Variants in TRAPPC9 observed in about 807,000 individuals in gnomAD.
The protein encoded by TRAPPC9 is IKK2 binding protein.
Under a neutral mutation model 124.0 loss-of-function variants are expected in TRAPPC9, and 83 were observed. That is an observed-to-expected ratio of 0.67 (90% CI 0.56 to 0.80). The LOEUF (loss-of-function observed/expected upper bound fraction) is 0.80, where lower values mean the gene tolerates loss of function less well. Among genes scored for constraint, TRAPPC9 ranks in the 30% least tolerant of loss-of-function variants. The pLI is 0.00. For synonymous variants in TRAPPC9, 638 were observed against 617.5 expected (o/e 1.03, Z -0.49); for missense variants, 1,302 against 1,508.3 (o/e 0.86, Z 2.27).
At chr8:139,863,898 G>T in intron 21 of TRAPPC9, among the ~76,000 whole-genome samples, 1 of 152,240 alleles carries the variant, frequency 6.6e-6, no homozygotes, top group Non-Finnish European at 1.5e-5. Flanking sequence ...ACAGAGTGCA[G>T]GTCTGAGGCT....
chr8:140,032,649 A>G (rs998646580), intron 17 of TRAPPC9, among the ~76,000 whole-genome samples: 1 of 152,244 alleles, frequency 6.6e-6, no homozygotes, highest in African/African-American at 2.4e-5. Flanking sequence ...AATTGGATTC[A>G]TAGTTGTTTT....
intron 17 of TRAPPC9, among the ~76,000 whole-genome samples, chr8:140,172,128 CTT>C (rs2061978908): frequency 6.6e-6 from 1 of 152,202 alleles, no homozygotes; most frequent in African/African-American, 2.4e-5. Flanking sequence ...AGAACTGTCT[CTT>C]TATTCAGGAG....
chr8:139,979,708 C>T (rs1037850202), intron 19 of TRAPPC9, among the ~76,000 whole-genome samples: 5 of 152,102 alleles, frequency 3.3e-5, no homozygotes, highest in South Asian at 2.1e-4. Flanking sequence ...CCCACAGTGT[C>T]GAGGAGGACA....
At chr8:139,775,925 C>A (rs528297985) in intron 21 of TRAPPC9, among the ~76,000 whole-genome samples, 142 of 152,350 alleles carry the variant, frequency 9.3e-4, no homozygotes, top group African/African-American at 3.2e-3. Flanking sequence ...CGCCTTCGGG[C>A]ACACCCAAGG....
intron 16 of TRAPPC9, among the ~76,000 whole-genome samples, chr8:140,235,650 C>T (rs146407497): frequency 2.0e-5 from 3 of 152,190 alleles, no homozygotes; most frequent in East Asian, 1.9e-4. Flanking sequence ...CAATGGGTGG[C>T]GAGGAGCTGG....
intron 19 of TRAPPC9, among the ~76,000 whole-genome samples, chr8:139,940,531 T>C (rs368471724): frequency 8.7e-4 from 133 of 152,328 alleles, no homozygotes; most frequent in African/African-American, 3.1e-3. Flanking sequence ...TGCTCCCTCC[T>C]TGCAGAGGCA....
chr8:139,779,405 T>A (rs1250799271), intron 21 of TRAPPC9, among the ~76,000 whole-genome samples: 1 of 152,060 alleles, frequency 6.6e-6, no homozygotes, highest in African/African-American at 2.4e-5. Context: ...TATGGAAACA[T>A]GGATTAATAA....
intron 17 of TRAPPC9, among the ~76,000 whole-genome samples, chr8:140,126,120 C>G (rs1017387016): frequency 6.6e-6 from 1 of 152,080 alleles, no homozygotes; most frequent in East Asian, 1.9e-4. Context: ...TTTTGCGGTA[C>G]GTAACTTCTT....
Position 139,987,295 on chromosome 8 carries a change from T to C in TRAPPC9, c.2810+1431A>G, listed in dbSNP as rs189055851. 2.5e-3 allele frequency among the ~76,000 whole-genome samples: 376 copies of C among 152,326 alleles called. 1 individual carries two copies. The highest frequency in any genetic ancestry group is 8.6e-3 in the African/African-American group (358 of 41,568). On this transcript the variant is annotated intron_variant, in intron 19 of 22. Coordinates refer to ENST00000438773, the MANE Select transcript of TRAPPC9 (RefSeq NM_001160372.4). Reference sequence around the variant, plus strand: ...GAAATAGCTGGGCAAAGGGTAAGTGTATGTTTAATTTTACAGGATAGCCCC... The same window carrying C: ...GAAATAGCTGGGCAAAGGGTAAGTGCATGTTTAATTTTACAGGATAGCCCC...
At chr8:140,394,834 A>C (rs2069040010) in intron 7 of TRAPPC9, among the ~76,000 whole-genome samples, 1 of 152,150 alleles carries the variant, frequency 6.6e-6, no homozygotes, top group South Asian at 2.1e-4. Context: ...CTCTCCTCAG[A>C]GAACACCTCC....
intron 4 of TRAPPC9, among the ~76,000 whole-genome samples, chr8:140,433,812 C>T (rs2070729623): frequency 1.3e-5 from 2 of 152,162 alleles, no homozygotes; most frequent in Non-Finnish European, 2.9e-5. Context: ...TTGTTTCACA[C>T]AGACTTCCTA....
Position 140,233,618 on chromosome 8 carries a change from C to CA in TRAPPC9, c.2432-12036_2432-12035insT, listed in dbSNP as rs2063658594. Among the ~76,000 whole-genome samples, 7 of 129,978 alleles carry CA rather than the reference C, an allele frequency of 5.4e-5. No individual in the cohort carries two copies. The Admixed American group carries it at 5.7e-4, about 11-fold the overall frequency. The allele number at this position is 129,978 out of a possible 152,430, so 85.3% of individuals were successfully genotyped here. Reference sequence around the variant, plus strand: ...TCTCTCCCTCCCTCCCTCCCTCTCTCCCCACCACACACACACACACACACA... The same window carrying CA: ...TCTCTCCCTCCCTCCCTCCCTCTCTCACCCACCACACACACACACACACACA... On this transcript the variant is annotated intron_variant, in intron 16 of 22. Coordinates refer to ENST00000438773, the MANE Select transcript of TRAPPC9 (RefSeq NM_001160372.4).
At chr8:140,065,909 A>C (rs1232578746) in intron 17 of TRAPPC9, among the ~76,000 whole-genome samples, 1 of 152,228 alleles carries the variant, frequency 6.6e-6, no homozygotes, top group Non-Finnish European at 1.5e-5. Context: ...ATGTATCTTT[A>C]CATGTACATG....
At chr8:139,947,907 T>TATAGATATATATATATATAGAGAGAG in intron 19 of TRAPPC9, among the ~76,000 whole-genome samples, 1 of 60,364 alleles carries the variant, frequency 1.7e-5, no homozygotes, top group Non-Finnish European at 3.3e-5. Context: ...TATATATATA[T>TATAGATATATATATATATAGAGAGAG]AGAGAGAGAG....
At chr8:139,806,790 TGCAC>T (rs1300119940) in intron 21 of TRAPPC9, among the ~76,000 whole-genome samples, 1 of 152,262 alleles carries the variant, frequency 6.6e-6, no homozygotes, top group Non-Finnish European at 1.5e-5. Context: ...GCATCAAAGC[TGCAC>T]CCTTTCCTTT....
chr8:140,370,126 ATG>A (rs1390797310), intron 8 of TRAPPC9, among the ~76,000 whole-genome samples: 1 of 80,866 alleles, frequency 1.2e-5, no homozygotes, highest in African/African-American at 8.2e-5. Context: ...CCCCTCAAAA[ATG>A]TTTTTTTTTT....
At chr8:140,356,863 C>G (rs2067767819) in intron 9 of TRAPPC9, among the ~76,000 whole-genome samples, 1 of 152,046 alleles carries the variant, frequency 6.6e-6, no homozygotes, top group African/African-American at 2.4e-5. Flanking sequence ...GCCCGTCTCA[C>G]CCTCCCAAAG....
chr8:140,136,175 T>C (rs1340826339), intron 17 of TRAPPC9, among the ~76,000 whole-genome samples: 1 of 150,182 alleles, frequency 6.7e-6, no homozygotes, highest in South Asian at 2.1e-4. Context: ...ACAAGGGCAG[T>C]GGTGGCTTAG....
rs1385145772 is a variant in TRAPPC9, at chr8:140,436,324, C to T, written c.731-1084G>A. Among the ~76,000 whole-genome samples, 7 of 151,754 alleles carry T rather than the reference C, an allele frequency of 4.6e-5. No individual in the cohort carries two copies. In the East Asian group the frequency reaches 5.8e-4, roughly 13 times the overall value. On this transcript the variant is annotated intron_variant, in intron 3 of 22. Coordinates refer to ENST00000438773, the MANE Select transcript of TRAPPC9 (RefSeq NM_001160372.4). The stretch of plus-strand genomic sequence containing the variant: ...TCACGCCATTGCACTCCAGCCTGGG[C>T]GACAGAGTGAGACTGACTCAAAAAA...
Sources: allele counts gnomAD v4.1 joint callset (sites outside exome capture counted in the v4.1 genomes callset), GRCh38; gene constraint gnomAD v4.1.1; transcripts MANE v1.5; gene names NCBI Gene and HGNC (gene_info 2026-07-23, HGNC 2026-07-21).